Variants in DOCK4 observed in about 807,000 individuals in gnomAD.
The protein encoded by DOCK4 is dedicator of cytokinesis 4, also known as dedicator of cytokinesis protein 4.
DOCK4 carries 97 observed loss-of-function variants against 268.1 expected under a neutral mutation model. The ratio of observed to expected loss-of-function variants is 0.36; its 90% confidence interval spans 0.31 to 0.43. The LOEUF (loss-of-function observed/expected upper bound fraction) is 0.43, where lower values mean the gene tolerates loss of function less well. DOCK4 is among the 20% of genes least tolerant of loss of function. The pLI is 1.00. For missense variants in DOCK4, 2,145 were observed against 2,455.7 expected (o/e 0.87, Z 2.67); for synonymous variants, 954 against 887.2 (o/e 1.08, Z -1.34).
rs1031458334 is a variant in DOCK4, at chr7:111,807,443, T to C, written c.3166+1378A>G. ...ATGATATCTTCTGGCTGGCCTTACA[T>C]AGTTGAAGGTTGTTTTCAAGATGAT... On this transcript the variant is annotated intron_variant, in intron 30 of 52. Coordinates refer to ENST00000428084, the MANE Select transcript of DOCK4 (RefSeq NM_001363540.2). 11 of 151,814 alleles carry C rather than the reference T, an allele frequency of 7.2e-5. 1 individual carries two copies. In the South Asian group the frequency reaches 1.2e-3, roughly 17 times the overall value. 9.4% of individuals were successfully genotyped at this position (151,814 alleles called of 1,614,324 possible). A position where few individuals can be genotyped will look rare whatever the true frequency, so the allele number is the denominator to read the frequency against.
At chr7:112,112,870 T>C (rs1002658544) in intron 1 of DOCK4, among the ~76,000 whole-genome samples, 10 of 152,074 alleles carry the variant, frequency 6.6e-5, no homozygotes, top group African/African-American at 1.9e-4. Context: ...CACAGAAAAA[T>C]TGCATATTCT....
intron 1 of DOCK4, among the ~76,000 whole-genome samples, chr7:112,148,464 C>T (rs1815725058): frequency 6.6e-6 from 1 of 152,114 alleles, no homozygotes. Flanking sequence ...AATTATCTAA[C>T]CCTTAAAAAG....
chr7:112,155,923 T>A (rs916661384), intron 1 of DOCK4, among the ~76,000 whole-genome samples: 1 of 152,198 alleles, frequency 6.6e-6, no homozygotes, highest in African/African-American at 2.4e-5. Flanking sequence ...TATAAATTTT[T>A]AATTTTATTT....
In DOCK4 at chr7:112,045,486, T is replaced by A. The variant is rs1367360935; in HGVS notation, c.38-41355A>T. Reference sequence around the variant, plus strand: ...CACTGCTATAAACCCACAGCCTGTATTAATATCTGGCACATAGCAGATTCT... The same window carrying A: ...CACTGCTATAAACCCACAGCCTGTAATAATATCTGGCACATAGCAGATTCT... On this transcript the variant is annotated intron_variant, in intron 1 of 52. Transcript: ENST00000428084. 2.6e-5 allele frequency among the ~76,000 whole-genome samples: 4 copies of A among 152,328 alleles called. No individual in the cohort carries two copies. In the East Asian group the frequency reaches 7.7e-4, roughly 29 times the overall value.
chr7:112,066,960 T>A (rs1481244188), intron 1 of DOCK4, among the ~76,000 whole-genome samples: 1 of 148,920 alleles, frequency 6.7e-6, no homozygotes, highest in East Asian at 2.0e-4. Context: ...GCCTGGGCAA[T>A]ATGGCAAAAC....
intron 23 of DOCK4, among the ~76,000 whole-genome samples, chr7:111,857,585 TA>T (rs1805115659): frequency 6.6e-6 from 1 of 152,198 alleles, no homozygotes; most frequent in Admixed American, 6.5e-5. Flanking sequence ...AGCTATTTTT[TA>T]GCAAGAAAAT....
chr7:111,808,795 A>C (rs1232756663), intron 30 of DOCK4, 26 bp downstream of exon 30: 2 of 1,606,516 alleles, frequency 1.2e-6, no homozygotes, highest in Non-Finnish European at 1.7e-6. Flanking sequence ...TGTATAGTAG[A>C]TGTGGCTTCT....
chr7:111,893,003 T>C (rs987033460), intron 16 of DOCK4, among the ~76,000 whole-genome samples: 1 of 152,212 alleles, frequency 6.6e-6, no homozygotes, highest in African/African-American at 2.4e-5. Flanking sequence ...TTAGACAGCC[T>C]ACACATACCA....
chr7:111,907,668 A>T (rs968821960), intron 13 of DOCK4, among the ~76,000 whole-genome samples: 1 of 152,182 alleles, frequency 6.6e-6, no homozygotes, highest in African/African-American at 2.4e-5. Context: ...GTGGGGGTCC[A>T]GTGACTAGAG....
intron 51 of DOCK4, among the ~76,000 whole-genome samples, chr7:111,734,005 T>G (rs1419748): frequency 0.64 from 97,153 of 151,990 alleles, 31,518 homozygotes; most frequent in Non-Finnish European, 0.7. Flanking sequence ...TGGCTCAATC[T>G]TGGCTCACTG....
chr7:112,031,472 T>C lies in DOCK4; in HGVS notation c.38-27341A>G, dbSNP rs531565257. Among the ~76,000 whole-genome samples the C allele has an allele frequency of 2.5e-4, 38 of 152,244 alleles. No homozygotes were observed. The East Asian group carries it at 4.8e-3, about 19-fold the overall frequency. The stretch of plus-strand genomic sequence containing the variant: ...CTTCTCTGTCCTTCCTCATATAAGC[T>C]TTATAGTGTTAAAGACTGATCACAT... On this transcript the variant is annotated intron_variant, in intron 1 of 52. Transcript: ENST00000428084.
At chr7:112,087,909 A>G (rs1023109107) in intron 1 of DOCK4, among the ~76,000 whole-genome samples, 1 of 152,102 alleles carries the variant, frequency 6.6e-6, no homozygotes, top group African/African-American at 2.4e-5. Flanking sequence ...CAGGTGGGAG[A>G]TTTGTAATTA....
At chr7:111,983,693 T>C (rs570215353) in intron 7 of DOCK4, among the ~76,000 whole-genome samples, 3 of 151,958 alleles carry the variant, frequency 2.0e-5, no homozygotes, top group Non-Finnish European at 4.4e-5. Context: ...AGGGGCAATA[T>C]GATCAAATAT....
chr7:111,996,749 A>G (rs1255616740), intron 4 of DOCK4, among the ~76,000 whole-genome samples: 2 of 152,114 alleles, frequency 1.3e-5, no homozygotes, highest in Admixed American at 1.3e-4. Context: ...CCACATTTAA[A>G]CTTCCTGGGG....
intron 1 of DOCK4, among the ~76,000 whole-genome samples, chr7:112,098,504 T>C (rs932007187): frequency 4.0e-5 from 6 of 149,962 alleles, no homozygotes; most frequent in African/African-American, 1.5e-4. Context: ...ATAGTTAAAT[T>C]ATATATATAT....
chr7:111,974,599 T>G (rs1586546190), intron 8 of DOCK4, among the ~76,000 whole-genome samples: 5 of 105,352 alleles, frequency 4.7e-5, no homozygotes, highest in African/African-American at 1.5e-4. Context: ...GGGAGGAGGG[T>G]GACAAAAGGG....
At chr7:111,860,866 G>T (rs190748571) in intron 23 of DOCK4, among the ~76,000 whole-genome samples, 1 of 152,300 alleles carries the variant, frequency 6.6e-6, no homozygotes, top group African/African-American at 2.4e-5. Flanking sequence ...GAACCAACAA[G>T]GAACTGGGCC....
chr7:112,146,323 T>C (rs1188935633), intron 1 of DOCK4, among the ~76,000 whole-genome samples: 1 of 152,188 alleles, frequency 6.6e-6, no homozygotes, highest in Non-Finnish European at 1.5e-5. Context: ...AAGGCTTTCT[T>C]TAACAAGTTG....
chr7:112,066,991 C>A (rs1203152596), intron 1 of DOCK4, among the ~76,000 whole-genome samples: 4,148 of 149,860 alleles, frequency 0.028, 224 homozygotes, highest in African/African-American at 0.098. Flanking sequence ...CACACACACA[C>A]ACACAAAAAA....
Sources: allele counts gnomAD v4.1 joint callset (sites outside exome capture counted in the v4.1 genomes callset), GRCh38; gene constraint gnomAD v4.1.1; transcripts MANE v1.5; gene names NCBI Gene and HGNC (gene_info 2026-07-23, HGNC 2026-07-21).